Variants in SERPINB7 observed in about 807,000 individuals in gnomAD.
The protein encoded by SERPINB7 is serpin B7.
Under a neutral mutation model 37.4 loss-of-function variants are expected in SERPINB7, and 31 were observed. The observed-to-expected ratio is 0.83, with a 90% CI of 0.62 to 1.12. SERPINB7 has a LOEUF of 1.12. Ranked by LOEUF, SERPINB7 falls within the 50% of genes most tolerant of loss-of-function variation. SERPINB7 has a pLI of 0.00. For missense variants in SERPINB7, 521 were observed against 455.3 expected (o/e 1.14, Z -1.31); for synonymous variants, 163 against 166.1 (o/e 0.98, Z 0.14).
upstream of SERPINB7, among the ~76,000 whole-genome samples, chr18:63,770,525 T>G (rs1437475501): frequency 6.6e-6 from 1 of 152,054 alleles, no homozygotes; most frequent in East Asian, 1.9e-4. Context: ...TATTATTAAA[T>G]TCTTGTAATT....
intron 1 of SERPINB7, among the ~76,000 whole-genome samples, chr18:63,775,994 TC>T (rs2049243572): frequency 6.6e-6 from 1 of 151,980 alleles, no homozygotes; most frequent in African/African-American, 2.4e-5. Flanking sequence ...TGTCAGTCAG[TC>T]TTGGACTTAT....
intron 7 of SERPINB7, among the ~76,000 whole-genome samples, chr18:63,801,940 T>C (rs1045534669): frequency 1.3e-5 from 2 of 152,324 alleles, no homozygotes; most frequent in South Asian, 2.1e-4. Context: ...TCTCTCATAA[T>C]CATAATCATG....
intron 2 of SERPINB7, among the ~76,000 whole-genome samples, chr18:63,790,541 A>T: frequency 6.6e-6 from 1 of 152,248 alleles, no homozygotes; most frequent in East Asian, 1.9e-4. Context: ...TCCTTAACTC[A>T]ATTTGTATAG....
intron 4 of SERPINB7, among the ~76,000 whole-genome samples, chr18:63,794,110 A>ATTT (rs34450022): frequency 0.14 from 14,962 of 105,196 alleles, 1,043 homozygotes; most frequent in Middle Eastern, 0.23. Context: ...CATCCTGCTA[A>ATTT]TTTTTTTTTT....
intron 4 of SERPINB7, among the ~76,000 whole-genome samples, chr18:63,793,843 T>A (rs1313152905): frequency 6.6e-6 from 1 of 152,114 alleles, no homozygotes; most frequent in African/African-American, 2.4e-5. Context: ...GTATTTTTTT[T>A]AAGGACATAG....
rs749891113 is a variant in SERPINB7 at position 63,798,764 on chromosome 18, T to A, written c.597+18T>A. 9 of 1,610,336 alleles carry A rather than the reference T, an allele frequency of 5.6e-6. No homozygotes were observed. The highest frequency in any genetic ancestry group is 2.2e-5 in the South Asian group (2 of 90,296). On this transcript the variant is annotated intron_variant, in intron 6 of 7. Coordinates refer to ENST00000398019, the MANE Select transcript of SERPINB7 (RefSeq NM_003784.4). ...CTCCCAAGGTATGTCGTCAATCTCC[T>A]ATTTAATTTAGAACTTTTCCACAAT... is the stretch of plus-strand genomic sequence containing the variant.
intron 4 of SERPINB7, among the ~76,000 whole-genome samples, chr18:63,795,939 A>G (rs1451939996): frequency 6.6e-6 from 1 of 152,240 alleles, no homozygotes; most frequent in African/African-American, 2.4e-5. Context: ...GACACAGGCA[A>G]GGGAGACTGG....
At chr18:63,763,593 T>G (rs148801109) in intron 1 of SERPINB7, among the ~76,000 whole-genome samples, 1 of 152,322 alleles carries the variant, frequency 6.6e-6, no homozygotes, top group East Asian at 1.9e-4. Flanking sequence ...AGGATGATAC[T>G]AATCCAAAAA....
At chr18:63,790,540 C>G (rs184926957) in intron 2 of SERPINB7, among the ~76,000 whole-genome samples, 111 of 152,250 alleles carry the variant, frequency 7.3e-4, no homozygotes, top group African/African-American at 2.4e-3. Flanking sequence ...TTCCTTAACT[C>G]AATTTGTATA....
At chr18:63,773,548 C>T (rs1273161524), upstream of SERPINB7, among the ~76,000 whole-genome samples, 2 of 152,130 alleles carry the variant, frequency 1.3e-5, no homozygotes, top group Non-Finnish European at 2.9e-5. Context: ...TCTCTACTGA[C>T]ACCTCGTGTA....
chr18:63,768,356 A>G (rs1051857411), intron 1 of SERPINB7, among the ~76,000 whole-genome samples: 5 of 151,974 alleles, frequency 3.3e-5, no homozygotes, highest in Non-Finnish European at 5.9e-5. Context: ...GACTCGCACC[A>G]TCTTTCATCC....
At chr18:63,776,129 C>T (rs1336248403) in intron 1 of SERPINB7, among the ~76,000 whole-genome samples, 2 of 152,088 alleles carry the variant, frequency 1.3e-5, no homozygotes, top group Admixed American at 6.6e-5. Context: ...TGCGCCATGA[C>T]CCTATCCCAG....
chr18:63,783,270 GAAAGAA>G (rs1234743165), intron 2 of SERPINB7, among the ~76,000 whole-genome samples: 5 of 149,586 alleles, frequency 3.3e-5, no homozygotes. Context: ...AAGAAAGAAA[GAAAGAA>G]AGAAAGAAAG....
Position 63,804,598 on chromosome 18 carries a change from A to C in SERPINB7, c.1106A>C (p.Asp369Ala). 1 of 1,613,096 alleles carries C rather than the reference A, an allele frequency of 6.2e-7. No homozygotes were observed. Among genetic ancestry groups the C allele is most frequent in the South Asian group, 1.1e-5 (1 of 90,926 alleles). Residue 369 changes from aspartate (D) to alanine (A), a missense_variant, in exon 8 of 8, where the codon GAC (aspartate) becomes GCC (alanine). Transcript: ENST00000398019. ...HPFLFVIRKD[D>A]IILFSGKVSC... ...TTCCTATTTGTTATCAGGAAGGATG[A>C]CATCATCTTATTCAGTGGCAAAGTT...
intron 1 of SERPINB7, among the ~76,000 whole-genome samples, chr18:63,761,665 C>T (rs1291969336): frequency 1.3e-5 from 2 of 152,152 alleles, no homozygotes; most frequent in Non-Finnish European, 2.9e-5. Context: ...CTTTCCTGTG[C>T]TATTCTCGTG....
chr18:63,795,937 C>CAA (rs1385782942), intron 4 of SERPINB7, among the ~76,000 whole-genome samples: 3 of 152,106 alleles, frequency 2.0e-5, no homozygotes, highest in African/African-American at 7.2e-5. Context: ...ATGACACAGG[C>CAA]AAGGGAGACT....
At chr18:63,758,357 A>G (rs1330558894) in intron 1 of SERPINB7, among the ~76,000 whole-genome samples, 1 of 152,222 alleles carries the variant, frequency 6.6e-6, no homozygotes, top group African/African-American at 2.4e-5. Flanking sequence ...TCTGCCTGAT[A>G]GGACTTCAAT....
At chr18:63,797,686 C>T (rs886224125) in intron 5 of SERPINB7, among the ~76,000 whole-genome samples, 1 of 152,202 alleles carries the variant, frequency 6.6e-6, no homozygotes, top group Admixed American at 6.5e-5. Context: ...AATATCAGAG[C>T]CATCCTTTTG....
chr18:63,766,977 A>G (rs1311975485), intron 1 of SERPINB7, among the ~76,000 whole-genome samples: 2 of 152,112 alleles, frequency 1.3e-5, no homozygotes, highest in African/African-American at 2.4e-5. Context: ...ATACACTTTC[A>G]ACTTTGCATA....
Sources: gnomAD v4.1 joint callset for allele counts (sites outside exome capture counted in the v4.1 genomes callset) on GRCh38, gnomAD v4.1.1 for gene constraint, MANE v1.5 for transcripts, NCBI Gene and HGNC (gene_info 2026-07-23, HGNC 2026-07-21) for gene names.